SEMA6A: variants seen among roughly 807,000 people sequenced by gnomAD.
The protein encoded by SEMA6A is semaphorin-6A.
SEMA6A carries 25 observed loss-of-function variants against 96.8 expected under a neutral mutation model. The observed-to-expected ratio is 0.26, with a 90% CI of 0.19 to 0.36. The LOEUF (loss-of-function observed/expected upper bound fraction) is 0.36, where lower values mean the gene tolerates loss of function less well. Ranked by LOEUF, SEMA6A falls within the 10% of genes least tolerant of loss-of-function variation. SEMA6A has a pLI of 1.00. For missense variants in SEMA6A, 1,363 were observed against 1,323.1 expected, an observed-to-expected ratio of 1.03 and a Z score of -0.47; for synonymous variants, 612 against 518.0, an observed-to-expected ratio of 1.18 and a Z score of -2.46.
chr5:116,484,066 GAAAA>G (rs542325007), intron 10 of SEMA6A, among the ~76,000 whole-genome samples: 1 of 99,922 alleles, frequency 1.0e-5, no homozygotes, highest in South Asian at 3.3e-4. Flanking sequence ...TCTGTCTGAA[GAAAA>G]AAAAAAAAAA....
intron 3 of SEMA6A, among the ~76,000 whole-genome samples, chr5:116,500,617 T>G (rs746825556): frequency 1.3e-5 from 2 of 152,196 alleles, no homozygotes; most frequent in Non-Finnish European, 2.9e-5. Flanking sequence ...TTTAACTTTA[T>G]GTTGCACAGC....
At chr5:116,560,008 C>T (rs1202196195) in intron 1 of SEMA6A, among the ~76,000 whole-genome samples, 1 of 152,208 alleles carries the variant, frequency 6.6e-6, no homozygotes, top group Non-Finnish European at 1.5e-5. Context: ...CAGGGCTTCA[C>T]CACATCACCT....
rs1554090346 is a variant in SEMA6A at position 116,524,791 on chromosome 5, C to CACACAG, written c.-38-19810_-38-19809insCTGTGT. On this transcript the variant is annotated intron_variant, in intron 1 of 18. Transcript: ENST00000343348. ...ATGTATACACACACACACACACAGA[C>CACACAG]ACACACACACACACAATTTTTAGAG... Among the ~76,000 whole-genome samples the CACACAG allele has an allele frequency of 6.6e-3, 1,004 of 151,632 alleles. 8 individuals are homozygous for CACACAG. Among genetic ancestry groups the CACACAG allele is most frequent in the African/African-American group, 0.023 (945 of 41,270 alleles).
chr5:116,525,372 T>G (rs1759176203), intron 1 of SEMA6A, among the ~76,000 whole-genome samples: 1 of 152,194 alleles, frequency 6.6e-6, no homozygotes, highest in South Asian at 2.1e-4. Context: ...AAAGAGCTCC[T>G]GGCCCATGAA....
intron 5 of SEMA6A, 106 bp downstream of exon 5, chr5:116,496,144 GA>G: frequency 2.1e-5 from 20 of 954,564 alleles, no homozygotes; most frequent in Middle Eastern, 2.2e-4. Context: ...ATTACTGAGG[GA>G]AAAAGGAAAA....
At chr5:116,555,419 G>T (rs1760570484) in intron 1 of SEMA6A, among the ~76,000 whole-genome samples, 1 of 152,174 alleles carries the variant, frequency 6.6e-6, no homozygotes. Context: ...AAAGACAAGT[G>T]TTTAAACCCC....
intron 1 of SEMA6A, among the ~76,000 whole-genome samples, chr5:116,571,664 C>T (rs777443457): frequency 7.2e-5 from 11 of 152,152 alleles, no homozygotes; most frequent in Non-Finnish European, 1.5e-4. Flanking sequence ...ATAGCTAGTG[C>T]AATTATTTTT....
intron 1 of SEMA6A, among the ~76,000 whole-genome samples, chr5:116,541,275 T>C (rs1321274073): frequency 6.6e-6 from 1 of 152,212 alleles, no homozygotes; most frequent in Non-Finnish European, 1.5e-5. Context: ...CACACATCTT[T>C]ATCTAAACCT....
chr5:116,494,478 C>T (rs529050814), intron 6 of SEMA6A, among the ~76,000 whole-genome samples: 2 of 152,184 alleles, frequency 1.3e-5, no homozygotes, highest in South Asian at 2.1e-4. Flanking sequence ...TTTGTGTTCC[C>T]GATGTGGGAA....
chr5:116,571,928 CT>C (rs1761230342), intron 1 of SEMA6A, among the ~76,000 whole-genome samples: 2 of 152,174 alleles, frequency 1.3e-5, no homozygotes. Flanking sequence ...GGCATCTTTA[CT>C]TTGGGGAGAA....
chr5:116,548,974 T>C (rs1341265568), intron 1 of SEMA6A, among the ~76,000 whole-genome samples: 2 of 152,172 alleles, frequency 1.3e-5, no homozygotes, highest in African/African-American at 4.8e-5. Context: ...ACCACTGATT[T>C]AAAGGTTCTC....
chr5:116,561,051 A>T lies in SEMA6A; in HGVS notation c.-39+13134T>A, dbSNP rs552149015. ...GGAGGAGCACAAAACTCAGATTCATATGGTTTGGGACCTTGTCCACACCCT... is the reference window on the plus strand; with the variant it reads ...GGAGGAGCACAAAACTCAGATTCATTTGGTTTGGGACCTTGTCCACACCCT... On this transcript the variant is annotated intron_variant, in intron 1 of 18. Transcript: ENST00000343348. Among the ~76,000 whole-genome samples, 181 of 152,300 alleles carry T rather than the reference A, an allele frequency of 1.2e-3. 1 individual carries two copies. The highest frequency in any genetic ancestry group is 2.1e-3 in the Non-Finnish European group (140 of 68,034).
intron 1 of SEMA6A, among the ~76,000 whole-genome samples, chr5:116,541,138 G>A (rs1265331859): frequency 6.6e-6 from 1 of 152,164 alleles, no homozygotes; most frequent in Non-Finnish European, 1.5e-5. Flanking sequence ...GCGGTGATGG[G>A]TGTTGGGGTG....
intron 18 of SEMA6A, among the ~76,000 whole-genome samples, chr5:116,448,768 A>AAAAC (rs1221929921): frequency 6.7e-6 from 1 of 149,122 alleles, no homozygotes; most frequent in Non-Finnish European, 1.5e-5. Context: ...AAAAAAAAAA[A>AAAAC]AAAAAAAACA....
At chr5:116,542,524 G>C (rs1345361335) in intron 1 of SEMA6A, among the ~76,000 whole-genome samples, 1 of 152,068 alleles carries the variant, frequency 6.6e-6, no homozygotes, top group African/African-American at 2.4e-5. Context: ...ATTTACTTTA[G>C]ACTGCAGAGA....
chr5:116,515,872 C>T (rs1390270905), intron 1 of SEMA6A, among the ~76,000 whole-genome samples: 3 of 152,168 alleles, frequency 2.0e-5, no homozygotes, highest in Non-Finnish European at 2.9e-5. Context: ...CAAGTCGCTC[C>T]GTTGAGCTCT....
chr5:116,482,677 T>A, intron 10 of SEMA6A, 102 bp from the exon 11 acceptor site: 1 of 1,166,116 alleles, frequency 8.6e-7, no homozygotes, highest in Non-Finnish European at 1.2e-6. Flanking sequence ...AAATGAAATT[T>A]AAAGTTCATA....
intron 1 of SEMA6A, among the ~76,000 whole-genome samples, chr5:116,530,852 T>A (rs541752147): frequency 5.3e-5 from 8 of 152,354 alleles, no homozygotes; most frequent in Non-Finnish European, 1.2e-4. Flanking sequence ...GAATTTATTT[T>A]TGCAAAGTAA....
intron 1 of SEMA6A, among the ~76,000 whole-genome samples, chr5:116,523,519 C>T (rs530138967): frequency 2.0e-5 from 3 of 152,166 alleles, no homozygotes; most frequent in South Asian, 2.1e-4. Context: ...ATCATGTTGC[C>T]GAGGCCGGTC....
Sources: allele counts gnomAD v4.1 joint callset (sites outside exome capture counted in the v4.1 genomes callset), GRCh38; gene constraint gnomAD v4.1.1; transcripts MANE v1.5; gene names NCBI Gene and HGNC (gene_info 2026-07-23, HGNC 2026-07-21).